The following DGKZ variants were observed in gnomAD, a reference collection of about 807,000 sequenced individuals.
The protein encoded by DGKZ is diacylglycerol kinase zeta.
A neutral mutation model predicts 142.5 loss-of-function variants in DGKZ; 45 were observed. The ratio of observed to expected loss-of-function variants is 0.32; its 90% CI spans 0.25 to 0.40. The LOEUF is 0.40. Ranked by LOEUF, DGKZ falls within the 10% of genes least tolerant of loss-of-function variation. The probability of loss-of-function intolerance (pLI) is 1.00; values close to 1 mark genes in which losing one functional copy is unlikely to be tolerated. For synonymous variants in DGKZ, 442 were observed against 527.0 expected (o/e 0.84, Z 2.21); for missense variants, 755 against 1,306.5 (o/e 0.58, Z 6.51).
chr11:46,375,845 C>T lies in DGKZ; in HGVS notation c.1911-6C>T, dbSNP rs746906575. On this transcript the variant is annotated splice_region_variant and splice_polypyrimidine_tract_variant and intron_variant, in intron 20 of 30. Transcript: ENST00000527911. ...TGAGCCCCCGCTTGCCGGCCCTGCC[C>T]GACAGCCAGCAGCCGGTGCCAGAGC... 68 of 1,554,888 alleles carry T rather than the reference C, an allele frequency of 4.4e-5. No individual in the cohort carries two copies. The Middle Eastern group carries it at 6.3e-4, about 14-fold the overall frequency.
chr11:46,333,008 G>C (rs1225028668), exon 1 of DGKZ: 1 of 322,490 alleles, frequency 3.1e-6, no homozygotes, highest in African/African-American at 2.2e-5. Context: ...TCCGGGGGGC[G>C]CCGCGGCGCG....
chr11:46,378,818 G>A, intron 27 of DGKZ, 173 bp from the exon 28 acceptor site: 1 of 1,135,838 alleles, frequency 8.8e-7, no homozygotes, highest in Non-Finnish European at 1.2e-6. Flanking sequence ...GGGGTGAGAG[G>A]CCCCTCCTCC....
intron 4 of DGKZ, chr11:46,369,112 G>T: frequency 3.3e-6 from 1 of 305,172 alleles, no homozygotes; most frequent in Non-Finnish European, 6.4e-6. Context: ...GGAGGTGGAG[G>T]TTGCAGTGAG....
At chr11:46,358,887 A>G (rs895979663) in intron 1 of DGKZ, among the ~76,000 whole-genome samples, 1 of 152,154 alleles carries the variant, frequency 6.6e-6, no homozygotes, top group Non-Finnish European at 1.5e-5. Flanking sequence ...TCACACCTGT[A>G]ATCCCAGCAC....
chr11:46,373,285 G>GTTTTTTTTT (rs961769830), intron 14 of DGKZ, among the ~76,000 whole-genome samples, 184 bp downstream of exon 14: 5 of 115,370 alleles, frequency 4.3e-5, no homozygotes, highest in African/African-American at 7.0e-5. Context: ...TTTTTTTTTT[G>GTTTTTTTTT]TTTTTTTTTT....
intron 1 of DGKZ, among the ~76,000 whole-genome samples, chr11:46,361,046 T>G (rs1488940415): frequency 6.6e-6 from 1 of 152,230 alleles, no homozygotes; most frequent in Admixed American, 6.5e-5. Flanking sequence ...CCCCATCTAT[T>G]CAGTGGGACA....
chr11:46,367,758 G>A lies in DGKZ; in HGVS notation c.366+11G>A, dbSNP rs374428518. On this transcript the variant is annotated intron_variant, in intron 3 of 30. Coordinates refer to ENST00000527911, the Ensembl canonical transcript of DGKZ. The surrounding 1 kb of genome is among the most constrained non-coding windows in gnomAD (Gnocchi z 4.1). ...GTAGCCAGGATGCTGGTGAGTGCTC[G>A]TAGGGGCACGCCGCCCCCTGCTGGT... The A allele has an allele frequency of 2.1e-4, 340 of 1,612,842 alleles. No individual in the cohort carries two copies. The highest frequency in any genetic ancestry group is 3.4e-4 in the Middle Eastern group (2 of 5,940).
At chr11:46,371,144 C>T (rs543166096) in intron 6 of DGKZ, among the ~76,000 whole-genome samples, 169 bp from the exon 7 acceptor site, 1 of 152,264 alleles carries the variant, frequency 6.6e-6, no homozygotes, top group East Asian at 1.9e-4. Flanking sequence ...CTGTTGTTCC[C>T]AGTTACTTGG....
rs1420866329 is a variant in DGKZ, at chr11:46,379,551, A to G, written c.2671A>G (p.Met891Val). 9 of 1,610,106 alleles carry G rather than the reference A, an allele frequency of 5.6e-6. No individual in the cohort carries two copies. The Admixed American group carries it at 1.0e-4, about 18-fold the overall frequency. Reference sequence around the variant, plus strand: ...CATCGTGGAGGCCGGGGCCTCGCTCATGAAGACAGACCAGCAGGTGAGCAG... The same window carrying G: ...CATCGTGGAGGCCGGGGCCTCGCTCGTGAAGACAGACCAGCAGGTGAGCAG... The change falls in exon 30 of 31, where the codon ATG (methionine) becomes GTG (valine). Residue 891 changes from methionine to valine, a missense_variant. Transcript: ENST00000527911.
chr11:46,371,239 G>C, intron 6 of DGKZ, 74 bp from the exon 7 acceptor site: 1 of 1,439,886 alleles, frequency 6.9e-7, no homozygotes, highest in Non-Finnish European at 9.7e-7. Flanking sequence ...GTGGAGAGAG[G>C]CTGGCACCAG....
intron 1 of DGKZ, among the ~76,000 whole-genome samples, chr11:46,361,298 C>T (rs574361626): frequency 6.6e-6 from 1 of 152,204 alleles, no homozygotes; most frequent in Non-Finnish European, 1.5e-5. Context: ...TCCCACTTCT[C>T]CCTCCTTAGA....
At chr11:46,366,490 G>A in intron 1 of DGKZ, 1 of 1,579,710 alleles carries the variant, frequency 6.3e-7, no homozygotes, top group Admixed American at 1.8e-5. Flanking sequence ...CCAGCACTGT[G>A]CCCCCTTCCT....
chr11:46,339,347 A>G lies in DGKZ; in HGVS notation c.212+5860A>G, dbSNP rs552973579. On this transcript the variant is annotated intron_variant, in intron 1 of 30. Coordinates refer to the DGKZ transcript ENST00000343674. ...TGTCCTGAATTAACAATGCAAAACC[A>G]GGGGCAGAGAGCTGAGCTGAGCAGG... Among the ~76,000 whole-genome samples, 25 of 152,356 alleles carry G rather than the reference A, an allele frequency of 1.6e-4. 1 individual carries two copies. The South Asian group carries it at 5.0e-3, about 30-fold the overall frequency.
At chr11:46,371,369 G>C (rs770630905) in exon 7 of DGKZ, 2 of 1,613,844 alleles carry the variant, frequency 1.2e-6, no homozygotes, top group Non-Finnish European at 1.7e-6. Flanking sequence ...TCAGCTGCTC[G>C]TGGTGCAAGC....
At chr11:46,359,420 G>C (rs1320943320) in intron 1 of DGKZ, among the ~76,000 whole-genome samples, 1 of 152,052 alleles carries the variant, frequency 6.6e-6, no homozygotes, top group Non-Finnish European at 1.5e-5. Flanking sequence ...ACTCCAGCCT[G>C]GGCGATAAGA....
chr11:46,379,597 G>C, intron 30 of DGKZ, 29 bp downstream of exon 30: 1 of 1,571,930 alleles, frequency 6.4e-7, no homozygotes, highest in East Asian at 2.3e-5. Context: ...GGGAGCCCAC[G>C]AGGGCACCAA....
Position 46,374,758 on chromosome 11 carries a change from G to A in DGKZ, c.1525-8G>A, listed in dbSNP as rs779553530. The stretch of plus-strand genomic sequence containing the variant: ...ATGCACCTCAACACCCTCCCCGCCC[G>A]CCTCCAGTGTGATGGAATGGACTTG... On this transcript the variant is annotated splice_polypyrimidine_tract_variant and splice_region_variant and intron_variant, in intron 17 of 30. Coordinates refer to ENST00000527911, the Ensembl canonical transcript of DGKZ. 14 of 1,612,252 alleles carry A rather than the reference G, an allele frequency of 8.7e-6. No individual in the cohort carries two copies. The highest frequency in any genetic ancestry group is 6.7e-5 in the African/African-American group (5 of 74,874).
rs1943405367 is a variant in DGKZ at position 46,367,184 on chromosome 11, G to A, written c.162-107G>A. ...TCTGGGGCTGCTGGGAGGCTCCTCCGCCCTCCCTGTTGCCGAGGTCACGGA... is the reference window on the plus strand; with the variant it reads ...TCTGGGGCTGCTGGGAGGCTCCTCCACCCTCCCTGTTGCCGAGGTCACGGA... On this transcript the variant is annotated intron_variant, in intron 1 of 30. Coordinates refer to ENST00000527911, the Ensembl canonical transcript of DGKZ. This position sits in a 1 kb window ranked among gnomAD's most constrained non-coding sequence, Gnocchi z 4.1. The A allele has an allele frequency of 5.5e-6, 7 of 1,281,952 alleles. No homozygotes were observed. The highest frequency in any genetic ancestry group is 2.0e-5 in the Admixed American group (1 of 50,624). 79.4% of individuals were successfully genotyped at this position (1,281,952 alleles called of 1,614,324 possible).
At chr11:46,348,930 T>C (rs1415118251) in intron 1 of DGKZ, among the ~76,000 whole-genome samples, 2 of 152,206 alleles carry the variant, frequency 1.3e-5, no homozygotes, top group Non-Finnish European at 2.9e-5. Context: ...CTCTCACTTT[T>C]CTGCAGCTGC....
Sources: gnomAD v4.1 joint callset for allele counts (sites outside exome capture counted in the v4.1 genomes callset) on GRCh38, gnomAD v4.1.1 for gene constraint, Gnocchi (gnomAD v3.1) non-coding constraint, MANE v1.5 for transcripts, NCBI Gene and HGNC (gene_info 2026-07-23, HGNC 2026-07-21) for gene names.